The following NFIB variants were observed in gnomAD, a reference collection of about 807,000 sequenced individuals.
NFIB encodes nuclear factor I B.
NFIB carries 11 observed loss-of-function variants against 61.5 expected under a neutral mutation model. The ratio of observed to expected loss-of-function variants is 0.18; its 90% CI spans 0.11 to 0.30. The LOEUF is 0.30. Ranked by LOEUF, NFIB falls within the 10% of genes least tolerant of loss-of-function variation. NFIB has a pLI of 1.00. For synonymous variants in NFIB, 260 were observed against 216.5 expected, an observed-to-expected ratio of 1.20 and a Z score of -1.76; for missense variants, 471 against 608.9, an observed-to-expected ratio of 0.77 and a Z score of 2.38.
chr9:14,117,769 G>A (rs949900358), intron 8 of NFIB, among the ~76,000 whole-genome samples: 3 of 152,134 alleles, frequency 2.0e-5, no homozygotes, highest in African/African-American at 7.2e-5. Context: ...AAACCTATGG[G>A]AGAGTTACAT....
chr9:14,303,352 G>T (rs947360449), intron 2 of NFIB, among the ~76,000 whole-genome samples: 2 of 152,204 alleles, frequency 1.3e-5, no homozygotes, highest in African/African-American at 4.8e-5. Context: ...CCAGGAAGCT[G>T]TGCTGTGCAA....
At chr9:14,328,341 T>A (rs981798700) in intron 1 of NFIB, among the ~76,000 whole-genome samples, 8 of 152,162 alleles carry the variant, frequency 5.3e-5, no homozygotes, top group African/African-American at 1.9e-4. Context: ...AGATGGGATG[T>A]AACCATGTTG....
chr9:14,528,085 T>G, the NFIB span, among the ~76,000 whole-genome samples: 2 of 152,176 alleles, frequency 1.3e-5, no homozygotes, highest in Middle Eastern at 6.3e-3. Context: ...TTTAGGATTT[T>G]CAGTTTAAAA....
intron 2 of NFIB, among the ~76,000 whole-genome samples, chr9:14,205,228 A>G (rs1587591300): frequency 1.0e-4 from 9 of 87,582 alleles, no homozygotes; most frequent in Non-Finnish European, 2.0e-4. Flanking sequence ...AGGGGAGGGG[A>G]GGGGGAAAAA....
chr9:14,254,287 T>G (rs867932609), intron 2 of NFIB, among the ~76,000 whole-genome samples: 2 of 115,032 alleles, frequency 1.7e-5, no homozygotes, highest in South Asian at 7.7e-4. Context: ...GGCAACAGAG[T>G]GACACTGTCT....
intron 1 of NFIB, among the ~76,000 whole-genome samples, chr9:14,348,133 G>T (rs2061056350): frequency 6.6e-6 from 1 of 152,222 alleles, no homozygotes; most frequent in African/African-American, 2.4e-5. Flanking sequence ...GCGCCCTCTG[G>T]GGCGTGAGGC....
the NFIB span, among the ~76,000 whole-genome samples, chr9:14,427,954 T>TTTTTG: frequency 0.034 from 3,994 of 117,578 alleles, 254 homozygotes; most frequent in African/African-American, 0.059. Context: ...TTTTTTTTTT[T>TTTTTG]TTTTTTTTTT....
At chr9:14,326,698 GAAA>G in intron 1 of NFIB, among the ~76,000 whole-genome samples, 1 of 125,474 alleles carries the variant, frequency 8.0e-6, no homozygotes, top group Non-Finnish European at 1.6e-5. Context: ...GTGGTTTACA[GAAA>G]AAAAAAAAAA....
intron 2 of NFIB, among the ~76,000 whole-genome samples, chr9:14,239,617 A>G (rs528206310): frequency 6.6e-6 from 1 of 152,320 alleles, no homozygotes; most frequent in South Asian, 2.1e-4. Flanking sequence ...ACTTAAAGAT[A>G]CATAAACATA....
At chr9:14,134,897 C>CAAAAAAAAAAAAAAAAAA (rs57014530) in intron 6 of NFIB, among the ~76,000 whole-genome samples, 14 of 64,338 alleles carry the variant, frequency 2.2e-4, no homozygotes, top group African/African-American at 5.6e-4. Context: ...GACTCTGTCT[C>CAAAAAAAAAAAAAAAAAA]AAAAAAAAAA....
At position 14,083,649 on chromosome 9, in the gene NFIB, A is replaced by G. The variant is rs2032391619; in HGVS notation, c.*4660T>C. On this transcript the variant is annotated 3_prime_UTR_variant, in exon 11 of 11. Coordinates refer to ENST00000380953, the MANE Select transcript of NFIB (RefSeq NM_001190737.2). ...AATATTGTAGAGTTGTTTCATTAAA[A>G]ATGAATACTGTACACTGAATATGGG... 4.4e-6 allele frequency: 1 copy of G among 227,520 alleles called. No individual in the cohort carries two copies. The highest frequency in any genetic ancestry group is 5.7e-5 in the Admixed American group (1 of 17,594). The allele number at this position is 227,520 out of a possible 1,614,324, so 14.1% of individuals were successfully genotyped here. A position where few individuals can be genotyped will look rare whatever the true frequency, so the allele number is the denominator to read the frequency against.
chr9:14,204,473 A>T, intron 2 of NFIB: 1 of 1,037,970 alleles, frequency 9.6e-7, no homozygotes. Flanking sequence ...GCGACTGAAA[A>T]TGCCTCCTGC....
chr9:14,521,826 C>T, the NFIB span, among the ~76,000 whole-genome samples: 1 of 152,198 alleles, frequency 6.6e-6, no homozygotes, highest in Non-Finnish European at 1.5e-5. Context: ...GGGGAGATGG[C>T]TTTGGCCAAA....
intron 3 of NFIB, among the ~76,000 whole-genome samples, chr9:14,165,234 G>C (rs1354704066): frequency 6.6e-6 from 1 of 152,042 alleles, no homozygotes; most frequent in Non-Finnish European, 1.5e-5. Context: ...CCAGGCCTTA[G>C]GAAATAAGAC....
chr9:14,281,413 C>T, intron 2 of NFIB, among the ~76,000 whole-genome samples: 1 of 152,078 alleles, frequency 6.6e-6, no homozygotes, highest in Non-Finnish European at 1.5e-5. Flanking sequence ...TTTATGTGGT[C>T]ATATAAACAC....
the NFIB span, among the ~76,000 whole-genome samples, chr9:14,438,562 G>A: frequency 6.6e-6 from 1 of 152,186 alleles, no homozygotes; most frequent in Non-Finnish European, 1.5e-5. Flanking sequence ...AGCTGGAAAG[G>A]GGGTGGTGGA....
At chr9:14,173,455 T>C (rs866836833) in intron 3 of NFIB, among the ~76,000 whole-genome samples, 1 of 152,066 alleles carries the variant, frequency 6.6e-6, no homozygotes, top group Non-Finnish European at 1.5e-5. Context: ...ATTATAATTA[T>C]GTATATATTA....
intron 9 of NFIB, among the ~76,000 whole-genome samples, chr9:14,114,727 C>T (rs2119061626): frequency 1.3e-5 from 2 of 152,256 alleles, no homozygotes; most frequent in African/African-American, 4.8e-5. Flanking sequence ...GGGTCTGATC[C>T]TCTCCTGAAT....
rs2060385697 is a variant in NFIB at position 14,313,416 on chromosome 9, C to G, written c.30+66G>C. The G allele has an allele frequency of 6.2e-7, 1 of 1,609,784 alleles. No individual in the cohort carries two copies. Among genetic ancestry groups the G allele is most frequent in the South Asian group, 1.1e-5 (1 of 90,870 alleles). On this transcript the variant is annotated intron_variant, in intron 1 of 10. Transcript: ENST00000380953. This position sits in a 1 kb window ranked among gnomAD's most constrained non-coding sequence, Gnocchi z 4.5. The stretch of plus-strand genomic sequence containing the variant: ...GTTAACTCAAGCCGCTAATTGTCCG[C>G]AACAAAACAAAACAAAGGCATTTCG...
Sources: allele counts gnomAD v4.1 joint callset (sites outside exome capture counted in the v4.1 genomes callset), GRCh38; gene constraint gnomAD v4.1.1; non-coding constraint Gnocchi (gnomAD v3.1); transcripts MANE v1.5; gene names NCBI Gene and HGNC (gene_info 2026-07-23, HGNC 2026-07-21).